Variants in PARD3B observed in about 807,000 individuals in gnomAD.
PARD3B encodes par-3 family cell polarity regulator beta.
PARD3B carries 103 observed loss-of-function variants against 130.2 expected under a neutral mutation model. The observed-to-expected ratio is 0.79, with a 90% confidence interval of 0.67 to 0.93. The LOEUF (loss-of-function observed/expected upper bound fraction) is 0.93, where lower values mean the gene tolerates loss of function less well. PARD3B is among the 40% of genes least tolerant of loss of function. The probability of loss-of-function intolerance (pLI) is 0.00; values close to 1 mark genes in which losing one functional copy is unlikely to be tolerated. For missense variants in PARD3B, 1,609 were observed against 1,499.2 expected (o/e 1.07, Z -1.21); for synonymous variants, 583 against 553.2 (o/e 1.05, Z -0.76).
At chr2:204,633,103 G>A (rs1055058489) in intron 1 of PARD3B, among the ~76,000 whole-genome samples, 2 of 152,164 alleles carry the variant, frequency 1.3e-5, no homozygotes, top group Non-Finnish European at 2.9e-5. Context: ...ACCTAGCAGT[G>A]AGATTGCCAG....
At chr2:204,894,092 G>C (rs992529315) in intron 2 of PARD3B, among the ~76,000 whole-genome samples, 3 of 151,722 alleles carry the variant, frequency 2.0e-5, no homozygotes, top group Non-Finnish European at 2.9e-5. Context: ...TCAACTGTGT[G>C]GTTTGTAGTA....
chr2:204,867,352 C>G (rs2045466433), intron 2 of PARD3B, among the ~76,000 whole-genome samples: 1 of 152,154 alleles, frequency 6.6e-6, no homozygotes, highest in African/African-American at 2.4e-5. Context: ...CAAATTAGTG[C>G]TCAAGGTCTG....
At chr2:205,315,425 T>C (rs2042531994) in intron 18 of PARD3B, among the ~76,000 whole-genome samples, 1 of 152,198 alleles carries the variant, frequency 6.6e-6, no homozygotes, top group Non-Finnish European at 1.5e-5. Context: ...AGCCGAGATG[T>C]TTCCCAGTTA....
At chr2:205,182,448 G>A (rs948641693) in intron 13 of PARD3B, among the ~76,000 whole-genome samples, 1 of 151,908 alleles carries the variant, frequency 6.6e-6, no homozygotes, top group Non-Finnish European at 1.5e-5. Context: ...GTTCACATGA[G>A]TGTAATAAAA....
At position 205,281,672 on chromosome 2, in the gene PARD3B, A is replaced by G. The variant is rs905556527; in HGVS notation, c.2186-18858A>G. Among the ~76,000 whole-genome samples, 1 of 152,340 alleles carries G rather than the reference A, an allele frequency of 6.6e-6. No homozygotes were observed. The highest frequency in any genetic ancestry group is 2.4e-5 in the African/African-American group (1 of 41,578). Reference sequence around the variant, plus strand: ...GTACTTTACTTTTCTAAGACACTATATAACCTGCACTCGGAAGGCAGGCAA... The same window carrying G: ...GTACTTTACTTTTCTAAGACACTATGTAACCTGCACTCGGAAGGCAGGCAA... On this transcript the variant is annotated intron_variant, in intron 16 of 22. Transcript: ENST00000406610. This position sits in a 1 kb window ranked among gnomAD's most constrained non-coding sequence, Gnocchi z 4.2.
rs1046975027 is a variant in PARD3B, at chr2:204,809,872, G to A, written c.222+123590G>A. 2.1e-4 allele frequency among the ~76,000 whole-genome samples: 32 copies of A among 152,108 alleles called. 1 individual carries two copies. The highest frequency in any genetic ancestry group is 7.5e-4 in the African/African-American group (31 of 41,422). On this transcript the variant is annotated intron_variant, in intron 2 of 22. Coordinates refer to ENST00000406610, the MANE Select transcript of PARD3B (RefSeq NM_001302769.2). ...AATGATATTGATTCTTTCTATCCAT[G>A]AGCATGGAATATTTTTCCATTTGTG...
chr2:205,217,307 G>A (rs943067910), intron 15 of PARD3B, among the ~76,000 whole-genome samples: 6 of 152,138 alleles, frequency 3.9e-5, no homozygotes, highest in Non-Finnish European at 7.4e-5. Context: ...TCATTAGTTA[G>A]GCAGAATTTC....
chr2:204,592,715 G>C (rs996619421), intron 1 of PARD3B, among the ~76,000 whole-genome samples: 6 of 152,266 alleles, frequency 3.9e-5, no homozygotes, highest in African/African-American at 1.4e-4. Flanking sequence ...TCACTACACA[G>C]TTTTGGAATG....
intron 18 of PARD3B, among the ~76,000 whole-genome samples, chr2:205,391,130 A>G (rs576501151): frequency 1.6e-4 from 25 of 152,366 alleles, no homozygotes; most frequent in Admixed American, 1.1e-3. Context: ...GCAACCTCCC[A>G]CAGTTGATAG....
intron 5 of PARD3B, among the ~76,000 whole-genome samples, chr2:205,109,644 C>T (rs561314938): frequency 3.7e-5 from 5 of 133,852 alleles, no homozygotes; most frequent in Non-Finnish European, 7.7e-5. Context: ...TAGGGAAATA[C>T]CTAATCTTTT....
At chr2:204,696,256 T>C (rs2037607197) in intron 2 of PARD3B, among the ~76,000 whole-genome samples, 1 of 151,904 alleles carries the variant, frequency 6.6e-6, no homozygotes, top group Non-Finnish European at 1.5e-5. Context: ...TGAGGTCTCA[T>C]GATTTAACGG....
intron 18 of PARD3B, among the ~76,000 whole-genome samples, chr2:205,381,901 C>T (rs2045463341): frequency 6.6e-6 from 1 of 151,998 alleles, no homozygotes; most frequent in African/African-American, 2.4e-5. Context: ...TTTAACCTTT[C>T]CTAATCATTT....
intron 2 of PARD3B, among the ~76,000 whole-genome samples, chr2:204,713,016 G>C (rs1019292023): frequency 6.6e-6 from 1 of 152,062 alleles, no homozygotes; most frequent in African/African-American, 2.4e-5. Flanking sequence ...ATGCACGTAA[G>C]TTTGGCTTAT....
rs534414517 is a variant in PARD3B, at chr2:205,084,829, T to C, written c.505-19597T>C. On this transcript the variant is annotated intron_variant, in intron 4 of 22. Transcript: ENST00000406610. Reference sequence around the variant, plus strand: ...GGTTGTTTTATGTCATAGTATATGGTCATATTTTTTCTCTATATGTTCCTT... The same window carrying C: ...GGTTGTTTTATGTCATAGTATATGGCCATATTTTTTCTCTATATGTTCCTT... Among the ~76,000 whole-genome samples, 79 of 152,134 alleles carry C rather than the reference T, an allele frequency of 5.2e-4. 1 individual carries two copies. The highest frequency in any genetic ancestry group is 1.9e-3 in the East Asian group (10 of 5,180).
intron 13 of PARD3B, among the ~76,000 whole-genome samples, chr2:205,179,792 G>C (rs939895058): frequency 6.6e-6 from 1 of 152,150 alleles, no homozygotes; most frequent in Non-Finnish European, 1.5e-5. Flanking sequence ...GCAAAGAATA[G>C]CAAAGGCTAA....
chr2:205,324,570 A>G (rs947590576), intron 18 of PARD3B, among the ~76,000 whole-genome samples: 2 of 152,186 alleles, frequency 1.3e-5, no homozygotes, highest in Non-Finnish European at 2.9e-5. Context: ...ATGTTTAAAA[A>G]TAAATTGTTT....
chr2:205,328,632 G>A (rs1281572174), intron 18 of PARD3B, among the ~76,000 whole-genome samples: 1 of 152,082 alleles, frequency 6.6e-6, no homozygotes, highest in Admixed American at 6.5e-5. Context: ...CTAGTTCACT[G>A]TTCTTTTTCG....
At chr2:204,953,420 C>CAGAGAGAGAGAGAG (rs138644226) in intron 2 of PARD3B, among the ~76,000 whole-genome samples, 5 of 123,234 alleles carry the variant, frequency 4.1e-5, no homozygotes, top group Admixed American at 2.3e-4. Flanking sequence ...TACACACACA[C>CAGAGAGAGAGAGAG]AGAGAGAGAG....
At chr2:205,335,516 GA>G (rs1329150291) in intron 18 of PARD3B, among the ~76,000 whole-genome samples, 1 of 152,162 alleles carries the variant, frequency 6.6e-6, no homozygotes, top group Non-Finnish European at 1.5e-5. Flanking sequence ...TTGGCACCAA[GA>G]GGCAAGAGAT....
Sources: gnomAD v4.1 joint callset for allele counts (sites outside exome capture counted in the v4.1 genomes callset) on GRCh38, gnomAD v4.1.1 for gene constraint, Gnocchi (gnomAD v3.1) non-coding constraint, MANE v1.5 for transcripts, NCBI Gene and HGNC (gene_info 2026-07-23, HGNC 2026-07-21) for gene names.